RIN2: variants seen among roughly 807,000 people sequenced by gnomAD.
RIN2 encodes Ras and Rab interactor 2.
In RIN2, 36 loss-of-function variants were observed where a neutral mutation model predicts 78.0. The observed-to-expected ratio is 0.46, with a 90% CI of 0.35 to 0.61. The LOEUF (loss-of-function observed/expected upper bound fraction) is 0.61. Ranked by LOEUF, RIN2 falls within the 20% of genes least tolerant of loss-of-function variation. The probability of loss-of-function intolerance (pLI) is 0.00; values close to 1 mark genes in which losing one functional copy is unlikely to be tolerated. For missense variants in RIN2, 1,087 were observed against 1,159.7 expected, an observed-to-expected ratio of 0.94 and a Z score of 0.91; for synonymous variants, 466 against 466.8, an observed-to-expected ratio of 1.00 and a Z score of 0.02.
chr20:19,915,408 G>T (rs981359893), intron 3 of RIN2, among the ~76,000 whole-genome samples: 7 of 152,154 alleles, frequency 4.6e-5, no homozygotes, highest in Non-Finnish European at 1.0e-4. Context: ...GGTCTGATCT[G>T]CTCAGCACTC....
intron 4 of RIN2, among the ~76,000 whole-genome samples, chr20:19,944,775 A>G (rs887002841): frequency 6.6e-6 from 1 of 151,492 alleles, no homozygotes; most frequent in African/African-American, 2.4e-5. Context: ...TAGATGGAGA[A>G]CTCTCCTGCT....
chr20:19,960,278 T>C (rs1194751837), intron 5 of RIN2, among the ~76,000 whole-genome samples: 1 of 152,250 alleles, frequency 6.6e-6, no homozygotes, highest in Non-Finnish European at 1.5e-5. Flanking sequence ...AGTTAACCAA[T>C]GAAATGCCAA....
chr20:19,934,980 A>AAAT (rs2040578487), intron 3 of RIN2, 119 bp from the exon 4 acceptor site: 1 of 667,598 alleles, frequency 1.5e-6, no homozygotes, highest in African/African-American at 1.9e-5. Context: ...AAAAAAAAAA[A>AAAT]AAGAAATAGA....
At chr20:19,868,005 T>C (rs1348859010) in intron 2 of RIN2, among the ~76,000 whole-genome samples, 1 of 152,188 alleles carries the variant, frequency 6.6e-6, no homozygotes, top group Admixed American at 6.5e-5. Context: ...ATCAGTGTCG[T>C]CATGTCTGGC....
chr20:19,996,627 C>A (rs1352992423), intron 11 of RIN2, 52 bp from the exon 12 acceptor site: 18 of 1,588,248 alleles, frequency 1.1e-5, no homozygotes, highest in East Asian at 2.2e-5. Flanking sequence ...CCTGTTATCA[C>A]CCGTGAGCGG....
chr20:19,931,750 G>T (rs2040450951), intron 3 of RIN2, among the ~76,000 whole-genome samples: 2 of 143,182 alleles, frequency 1.4e-5, no homozygotes, highest in African/African-American at 2.7e-5. Flanking sequence ...AGCCTTTTGG[G>T]CTTTTATGTT....
intron 2 of RIN2, among the ~76,000 whole-genome samples, chr20:19,852,972 G>A (rs183949535): frequency 7.9e-5 from 12 of 151,500 alleles, no homozygotes; most frequent in South Asian, 2.1e-4. Flanking sequence ...CCATGTTGGT[G>A]TGCTGCACCC....
chr20:19,810,861 A>G (rs547570563), intron 2 of RIN2, among the ~76,000 whole-genome samples: 67 of 136,766 alleles, frequency 4.9e-4, no homozygotes, highest in South Asian at 3.7e-3. Context: ...GCCCGGCTAA[A>G]TTTTGTGTGT....
chr20:19,960,559 T>A, intron 5 of RIN2, 141 bp from the exon 6 acceptor site: 1 of 673,844 alleles, frequency 1.5e-6, no homozygotes, highest in South Asian at 1.7e-5. Context: ...CACCCCTTTC[T>A]ATGGCAGGAG....
In RIN2 at chr20:19,864,275, G is replaced by A. The variant is rs115087436; in HGVS notation, c.-36-25291G>A. 3.8e-3 allele frequency among the ~76,000 whole-genome samples: 584 copies of A among 152,250 alleles called. 3 individuals are homozygous for A. The highest frequency in any genetic ancestry group is 0.013 in the African/African-American group (549 of 41,534). ...CTTCTGGAGTGAGGAGTTAACAGCT[G>A]AACTTTCATAAAGTTGTTTGGTTAA... On this transcript the variant is annotated intron_variant, in intron 2 of 12. Transcript: ENST00000255006.
At position 19,975,369 on chromosome 20, in the gene RIN2, G is replaced by A. The variant is rs781480608; in HGVS notation, c.1344G>A (p.Met448Ile). 6.2e-7 allele frequency: 1 copy of A among 1,613,930 alleles called. No homozygotes were observed. Among genetic ancestry groups the A allele is most frequent in the South Asian group, 1.1e-5 (1 of 91,074 alleles). The part of the protein sequence containing the change: ...SSDSLEFDRS[M>I]PLFGYEADTN... ...ACTCGCTGGAGTTCGACCGGAGCAT[G>A]CCTCTGTTTGGCTACGAGGCGGACA... The change falls in exon 9 of 13, where the codon ATG (methionine) becomes ATA (isoleucine). Residue 448 changes from methionine to isoleucine, a missense_variant. Physicochemically the swap from Met to Ile is conservative, Grantham distance 10. Transcript: ENST00000255006. The surrounding 1 kb of genome is among the most constrained non-coding windows in gnomAD (Gnocchi z 4.9).
intron 10 of RIN2, 41 bp downstream of exon 10, chr20:19,990,352 C>T (rs766069407): frequency 1.9e-6 from 3 of 1,565,770 alleles, no homozygotes; most frequent in South Asian, 2.4e-5. Flanking sequence ...CGCTTCCCTT[C>T]CGGGCCGGGG....
At chr20:19,757,908 T>A (rs1167690454), upstream of RIN2, 1 of 152,556 alleles carries the variant, frequency 6.6e-6, no homozygotes, top group African/African-American at 2.4e-5. Flanking sequence ...TGGCAGTTTT[T>A]CCTGGTTGCA....
At chr20:19,889,201 G>A (rs1334355789) in intron 2 of RIN2, 1 of 985,298 alleles carries the variant, frequency 1.0e-6, no homozygotes, top group African/African-American at 1.7e-5. Flanking sequence ...GTCCCTCTGT[G>A]ATCAGCCACA....
In RIN2 at chr20:20,000,920, A is replaced by G; in HGVS notation, c.2672A>G (p.Asp891Gly). The change falls in exon 13 of 13, where the codon GAC becomes GGC. Residue 891 changes from aspartate (D) to glycine (G), a missense_variant. Coordinates refer to ENST00000255006, the MANE Select transcript of RIN2 (RefSeq NM_018993.4). ...ATCATTTTCCAGAACGGGGAAGAAG[A>G]CCTCACCACCTCCTAGAAGACAGGC... ...YGIIFQNGEE[D>G]LTTS is the part of the protein sequence containing the mutation. 1.9e-6 allele frequency: 3 copies of G among 1,610,456 alleles called. No individual in the cohort carries two copies. The highest frequency in any genetic ancestry group is 2.5e-6 in the Non-Finnish European group (3 of 1,178,200).
chr20:19,775,084 G>A (rs555345782), intron 1 of RIN2, among the ~76,000 whole-genome samples: 5 of 152,196 alleles, frequency 3.3e-5, no homozygotes, highest in East Asian at 1.9e-4. Flanking sequence ...TAAGTTTGAT[G>A]AGCCTGTGAA....
At chr20:19,981,821 C>T (rs777228903) in intron 9 of RIN2, among the ~76,000 whole-genome samples, 15 of 152,116 alleles carry the variant, frequency 9.9e-5, no homozygotes, top group Non-Finnish European at 1.8e-4. Flanking sequence ...GTGTGCATGG[C>T]CAACAATACT....
intron 1 of RIN2, among the ~76,000 whole-genome samples, chr20:19,788,699 C>CA (rs879426070): frequency 1.1e-4 from 17 of 150,018 alleles, no homozygotes; most frequent in Non-Finnish European, 2.5e-4. Flanking sequence ...CAGTACCATA[C>CA]AAAAAAAACC....
intron 4 of RIN2, among the ~76,000 whole-genome samples, chr20:19,948,398 A>G (rs746176251): frequency 6.6e-6 from 1 of 152,154 alleles, no homozygotes; most frequent in Non-Finnish European, 1.5e-5. Context: ...ATATATACAT[A>G]TACATATTTT....
Sources: gnomAD v4.1 joint callset for allele counts (sites outside exome capture counted in the v4.1 genomes callset) on GRCh38, gnomAD v4.1.1 for gene constraint, Gnocchi (gnomAD v3.1) non-coding constraint, MANE v1.5 for transcripts, NCBI Gene and HGNC (gene_info 2026-07-23, HGNC 2026-07-21) for gene names.